The following DLST variants were observed in gnomAD, a reference collection of about 807,000 sequenced individuals.
The protein encoded by DLST is dihydrolipoamide S-succinyltransferase, also known as dihydrolipoyllysine-residue succinyltransferase component of 2-oxoglutarate dehydrogenase complex, mitochondrial.
A neutral mutation model predicts 53.1 loss-of-function variants in DLST; 17 were observed. The ratio of observed to expected loss-of-function variants is 0.32; its 90% CI spans 0.22 to 0.48. The LOEUF is 0.48. Among genes scored for constraint, DLST ranks in the 20% least tolerant of loss-of-function variants. DLST has a pLI of 0.99. For missense variants in DLST, 512 were observed against 583.9 expected (o/e 0.88, Z 1.27); for synonymous variants, 206 against 204.8 (o/e 1.01, Z -0.05).
chr14:74,896,116 C>G (rs1884072288), intron 10 of DLST, among the ~76,000 whole-genome samples: 1 of 152,098 alleles, frequency 6.6e-6, no homozygotes, highest in Non-Finnish European at 1.5e-5. Flanking sequence ...GCTTTGGTCT[C>G]CCACTGGGAT....
rs1883889949 is a variant in DLST at position 74,891,105 on chromosome 14, T to C, written c.380T>C (p.Leu127Ser). 3.1e-6 allele frequency: 5 copies of C among 1,613,992 alleles called. No homozygotes were observed. The highest frequency in any genetic ancestry group is 4.2e-6 in the Non-Finnish European group (5 of 1,180,030). The change falls in exon 7 of 15, where the codon TTG becomes TCG. Residue 127 changes from leucine (L) to serine (S), a missense_variant. Leu to Ser is a moderately radical substitution (Grantham distance 145). Transcript: ENST00000334220. ...SPANGVIEAL[L>S]VPDGGKVEGG... ...GCAAATGGCGTGATTGAAGCTCTTT[T>C]GGTACCTGATGGGGGAAAAGTCGAA...
chr14:74,899,357 C>A (rs898605144), intron 11 of DLST, among the ~76,000 whole-genome samples: 1 of 152,036 alleles, frequency 6.6e-6, no homozygotes, highest in East Asian at 1.9e-4. Context: ...CATGGACTTT[C>A]TGCGGAAATG....
rs1884009835 is a variant in DLST at position 74,894,368 on chromosome 14, T to C, written c.729T>C (p.Asn243=). ...RIAQRLKEAQ[N]TCAMLTTFNE... Reference sequence around the variant, plus strand: ...CTCAGCGTCTGAAGGAGGCCCAGAATACATGTGCAATGCTGACAACTTTTA... The same window carrying C: ...CTCAGCGTCTGAAGGAGGCCCAGAACACATGTGCAATGCTGACAACTTTTA... Residue 243 remains asparagine, a synonymous_variant, in exon 10 of 15, where the codon AAT becomes AAC. Transcript: ENST00000334220. The C allele has an allele frequency of 1.2e-6, 2 of 1,614,026 alleles. No homozygotes were observed. The highest frequency in any genetic ancestry group is 1.7e-6 in the Non-Finnish European group (2 of 1,180,026).
chr14:74,893,013 G>T, intron 8 of DLST, 27 bp downstream of exon 8: 1 of 1,602,380 alleles, frequency 6.2e-7, no homozygotes, highest in Non-Finnish European at 8.5e-7. Flanking sequence ...CACATGTCAT[G>T]TGGGAGAACA....
intron 12 of DLST, 146 bp from the exon 13 acceptor site, chr14:74,900,143 G>A (rs1446942303): frequency 1.9e-6 from 2 of 1,075,564 alleles, no homozygotes; most frequent in East Asian, 2.4e-5. Context: ...TTTAAACCAT[G>A]CCGCATTCTT....
intron 6 of DLST, 140 bp from the exon 7 acceptor site, chr14:74,890,916 G>T (rs1430355901): frequency 4.2e-6 from 5 of 1,180,410 alleles, no homozygotes; most frequent in Non-Finnish European, 5.7e-6. Flanking sequence ...GACCTCAAGT[G>T]ATCCGCCTGC....
At chr14:74,900,427 A>G in intron 13 of DLST, 55 bp downstream of exon 13, 1 of 1,528,382 alleles carries the variant, frequency 6.5e-7, no homozygotes, top group South Asian at 1.1e-5. Context: ...GAGAGCCTTC[A>G]GAAGGCTGGG....
At chr14:74,894,224 G>A (rs1312536603) in intron 9 of DLST, 88 bp from the exon 10 acceptor site, 11 of 1,509,994 alleles carry the variant, frequency 7.3e-6, no homozygotes, top group Middle Eastern at 2.1e-4. Context: ...CCATCTACTC[G>A]TGGCAAGCCG....
chr14:74,894,370 C>T lies in DLST; in HGVS notation c.731C>T (p.Thr244Ile), dbSNP rs1397692146. ...IAQRLKEAQN[T>I]CAMLTTFNEI... ...CAGCGTCTGAAGGAGGCCCAGAATA[C>T]ATGTGCAATGCTGACAACTTTTAAT... Residue 244 changes from threonine (T) to isoleucine (I), a missense_variant, in exon 10 of 15, where the codon ACA becomes ATA. Thr to Ile is a moderately conservative substitution (Grantham distance 89, BLOSUM62 -1). Coordinates refer to ENST00000334220, the MANE Select transcript of DLST (RefSeq NM_001933.5). 2 of 1,614,160 alleles carry T rather than the reference C, an allele frequency of 1.2e-6. No individual in the cohort carries two copies. Among genetic ancestry groups the T allele is most frequent in the East Asian group, 4.5e-5 (2 of 44,876 alleles).
chr14:74,891,259 ACTCTTGTC>A, intron 7 of DLST, 92 bp downstream of exon 7: 1 of 1,569,104 alleles, frequency 6.4e-7, no homozygotes, highest in Non-Finnish European at 8.7e-7. Flanking sequence ...TATGTCAAAG[ACTCTTGTC>A]ATTCCAGCTG....
rs1175428493 is a variant in DLST, at chr14:74,902,190, CTG to C, written c.1228-4_1228-3del. ...AGACAAACCTATTTACCTTTCCTCT[CTG>C]TAGGTAGAGGTGCGGCCCATGATGT... is the stretch of plus-strand genomic sequence containing the variant. On this transcript the variant is annotated splice_polypyrimidine_tract_variant and splice_region_variant and intron_variant, in intron 14 of 14. Coordinates refer to ENST00000334220, the MANE Select transcript of DLST (RefSeq NM_001933.5). The C allele has an allele frequency of 1.9e-6, 3 of 1,571,124 alleles. No homozygotes were observed. Among genetic ancestry groups the C allele is most frequent in the Middle Eastern group, 3.4e-4 (2 of 5,938 alleles).
rs767257583 is a variant in DLST at position 74,902,188 on chromosome 14, C to T, written c.1228-8C>T. 1.6e-5 allele frequency: 25 copies of T among 1,563,366 alleles called. No individual in the cohort carries two copies. Among genetic ancestry groups the T allele is most frequent in the Non-Finnish European group, 2.1e-5 (24 of 1,148,802 alleles). On this transcript the variant is annotated splice_polypyrimidine_tract_variant and splice_region_variant and intron_variant, in intron 14 of 14. Transcript: ENST00000334220. ...GGAGACAAACCTATTTACCTTTCCT[C>T]TCTGTAGGTAGAGGTGCGGCCCATG... is the stretch of plus-strand genomic sequence containing the variant.
At chr14:74,886,605 T>A (rs970035939) in intron 3 of DLST, among the ~76,000 whole-genome samples, 3 of 152,162 alleles carry the variant, frequency 2.0e-5, no homozygotes, top group Non-Finnish European at 4.4e-5. Context: ...AAGTGGAGGA[T>A]ACAGGCGTGA....
chr14:74,889,692 CTTCT>C, intron 5 of DLST: 1 of 579,592 alleles, frequency 1.7e-6, no homozygotes, highest in Non-Finnish European at 3.0e-6. Context: ...GCTCCTCTCA[CTTCT>C]TAAGTTTAAG....
At position 74,902,981 on chromosome 14, in the gene DLST, G is replaced by C. The variant is rs1350765644; in HGVS notation, c.*651G>C. On this transcript the variant is annotated 3_prime_UTR_variant, in exon 15 of 15. Transcript: ENST00000334220. ...CAGAGGTCCCCTGAGGTCATGCATT[G>C]TAATCATCATAGAAGGAGAGCCCAG... 1 of 152,646 alleles carries C rather than the reference G, an allele frequency of 6.6e-6. No homozygotes were observed. Among genetic ancestry groups the C allele is most frequent in the East Asian group, 1.9e-4 (1 of 5,200 alleles). 9.5% of individuals were successfully genotyped at this position (152,646 alleles called of 1,614,324 possible). A position where few individuals can be genotyped will look rare whatever the true frequency, so the allele number is the denominator to read the frequency against.
At chr14:74,893,723 C>T (rs1439610778) in intron 9 of DLST, among the ~76,000 whole-genome samples, 1 of 152,128 alleles carries the variant, frequency 6.6e-6, no homozygotes, top group African/African-American at 2.4e-5. Flanking sequence ...CCCGTCCTCC[C>T]ACGATGTCAC....
intron 9 of DLST, among the ~76,000 whole-genome samples, chr14:74,893,797 A>G (rs1044458481): frequency 6.6e-6 from 1 of 152,186 alleles, no homozygotes; most frequent in Non-Finnish European, 1.5e-5. Context: ...AGCTGTAGCT[A>G]AGGGATAATA....
Position 74,901,086 on chromosome 14 carries a change from C to A in DLST, c.1080C>A (p.Ala360=). The A allele has an allele frequency of 6.2e-7, 1 of 1,613,498 alleles. No individual in the cohort carries two copies. Among genetic ancestry groups the A allele is most frequent in the Non-Finnish European group, 8.5e-7 (1 of 1,179,834 alleles). The change falls in exon 14 of 15, where the codon GCC becomes GCA. Residue 360 remains alanine (A), a synonymous_variant. Transcript: ENST00000334220. ...TTTAGGCCCGAAAGAATGAACTTGCCATTGAAGATATGGATGGCGGTACCT... is the reference window on the plus strand; with the variant it reads ...TTTAGGCCCGAAAGAATGAACTTGCAATTGAAGATATGGATGGCGGTACCT... ...LGEKARKNEL[A]IEDMDGGTFT...
At chr14:74,891,659 G>A (rs1484302052) in intron 7 of DLST, 9 of 984,974 alleles carry the variant, frequency 9.1e-6, no homozygotes, top group South Asian at 4.7e-5. Context: ...AATGAGAAAC[G>A]AATTTGTACT....
Sources: gnomAD v4.1 joint callset for allele counts (sites outside exome capture counted in the v4.1 genomes callset) on GRCh38, gnomAD v4.1.1 for gene constraint, MANE v1.5 for transcripts, NCBI Gene and HGNC (gene_info 2026-07-23, HGNC 2026-07-21) for gene names.